RALYL: variants seen among roughly 807,000 people sequenced by gnomAD.
RALYL encodes the protein RALY RNA binding protein like.
In RALYL, 29 loss-of-function variants were observed where a neutral mutation model predicts 35.1. The ratio of observed to expected loss-of-function variants is 0.83; its 90% CI spans 0.61 to 1.13. The LOEUF (loss-of-function observed/expected upper bound fraction) is 1.13, where lower values mean the gene tolerates loss of function less well. RALYL is among the 50% of genes most tolerant of loss of function. The pLI is 0.00. For synonymous variants in RALYL, 120 were observed against 127.6 expected (o/e 0.94, Z 0.40); for missense variants, 359 against 360.4 (o/e 1.00, Z 0.03).
At chr8:84,585,356 A>G (rs1039900749) in intron 2 of RALYL, among the ~76,000 whole-genome samples, 8 of 152,170 alleles carry the variant, frequency 5.3e-5, no homozygotes, top group Non-Finnish European at 2.9e-5. Context: ...GTGTGAGCCC[A>G]TTAAATGTTT....
At chr8:84,636,368 G>T (rs2131310089) in intron 2 of RALYL, among the ~76,000 whole-genome samples, 1 of 151,916 alleles carries the variant, frequency 6.6e-6, no homozygotes, top group Admixed American at 6.6e-5. Flanking sequence ...CAAGCAAGTT[G>T]CTTTAGTATC....
chr8:84,437,586 T>A (rs939646619), intron 1 of RALYL, among the ~76,000 whole-genome samples: 10 of 152,114 alleles, frequency 6.6e-5, no homozygotes, highest in Non-Finnish European at 1.2e-4. Flanking sequence ...GTGGTTTTGA[T>A]GTGCATTTCT....
chr8:84,893,327 A>T (rs1844194803), intron 8 of RALYL, among the ~76,000 whole-genome samples: 1 of 152,206 alleles, frequency 6.6e-6, no homozygotes, highest in South Asian at 2.1e-4. Flanking sequence ...GGTGAATTTT[A>T]AAAAATAAAA....
chr8:84,413,422 A>G (rs1002718088), intron 1 of RALYL, among the ~76,000 whole-genome samples: 25 of 151,870 alleles, frequency 1.6e-4, no homozygotes, highest in African/African-American at 7.2e-5. Context: ...GAGAAAAAAA[A>G]AATCCCTCTT....
intron 1 of RALYL, among the ~76,000 whole-genome samples, chr8:84,272,372 G>A (rs2131961092): frequency 6.6e-6 from 1 of 152,242 alleles, no homozygotes; most frequent in African/African-American, 2.4e-5. Context: ...GGGATTACAG[G>A]CGTAAGCCAC....
chr8:84,274,305 T>C (rs935796221), intron 1 of RALYL, among the ~76,000 whole-genome samples: 2 of 152,182 alleles, frequency 1.3e-5, no homozygotes, highest in African/African-American at 4.8e-5. Context: ...TACTATTATC[T>C]TTGTTCTTCT....
chr8:84,921,686 T>C lies in RALYL; in HGVS notation c.*775T>C, dbSNP rs1849325758. On this transcript the variant is annotated 3_prime_UTR_variant, in exon 9 of 9. Coordinates refer to ENST00000521268, the MANE Select transcript of RALYL (RefSeq NM_173848.7). ...AGTGCATACATCATGTCATTTCACC[T>C]CCTGTTCCTAGGAACTCTCCATTCC... 1 of 152,188 alleles carries C rather than the reference T, an allele frequency of 6.6e-6. No individual in the cohort carries two copies. Among genetic ancestry groups the C allele is most frequent in the Non-Finnish European group, 1.5e-5 (1 of 68,010 alleles). 9.4% of individuals were successfully genotyped at this position (152,188 alleles called of 1,614,324 possible).
chr8:84,844,618 G>A lies in RALYL; in HGVS notation c.366-5362G>A, dbSNP rs533762327. Among the ~76,000 whole-genome samples, 3 of 152,130 alleles carry A rather than the reference G, an allele frequency of 2.0e-5. No individual in the cohort carries two copies. The South Asian group carries it at 6.2e-4, about 32-fold the overall frequency. ...ATTTGACCCAGCCATCCCATTACTG[G>A]GTATATACCCAAAGGACTATAAATC... is the stretch of plus-strand genomic sequence containing the variant. On this transcript the variant is annotated intron_variant, in intron 4 of 8. Transcript: ENST00000521268.
chr8:84,367,318 ATTTTTTTTTTTTTTTTTT>A (rs56387511), intron 1 of RALYL, among the ~76,000 whole-genome samples: 65 of 27,390 alleles, frequency 2.4e-3, no homozygotes, highest in African/African-American at 3.7e-3. Flanking sequence ...TAATTTTTGT[ATTTTTTTTTTTTTTTTTT>A]TTTTTTTTTT....
At chr8:84,226,141 G>C (rs1164436666) in intron 1 of RALYL, among the ~76,000 whole-genome samples, 3 of 152,156 alleles carry the variant, frequency 2.0e-5, no homozygotes, top group Middle Eastern at 3.2e-3. Flanking sequence ...AGTGGCATTA[G>C]ATTCTCATAG....
At chr8:84,318,612 T>C (rs1844217857) in intron 1 of RALYL, among the ~76,000 whole-genome samples, 1 of 152,208 alleles carries the variant, frequency 6.6e-6, no homozygotes, top group African/African-American at 2.4e-5. Context: ...CTTCTTGTTA[T>C]TGGCCATTTA....
At chr8:84,313,426 T>G (rs891077456) in intron 1 of RALYL, among the ~76,000 whole-genome samples, 1 of 152,224 alleles carries the variant, frequency 6.6e-6, no homozygotes, top group Non-Finnish European at 1.5e-5. Context: ...TCACGGTCAG[T>G]CTGCAAATCT....
chr8:84,374,741 A>G (rs1271569057), intron 1 of RALYL, among the ~76,000 whole-genome samples: 1 of 151,866 alleles, frequency 6.6e-6, no homozygotes, highest in Non-Finnish European at 1.5e-5. Flanking sequence ...TAGGATCGGA[A>G]AAAGTAACTG....
chr8:84,654,888 A>G (rs1829653052), intron 2 of RALYL, among the ~76,000 whole-genome samples: 1 of 152,108 alleles, frequency 6.6e-6, no homozygotes, highest in Non-Finnish European at 1.5e-5. Flanking sequence ...GCTGCAGTAA[A>G]CAAGAGAATA....
intron 2 of RALYL, among the ~76,000 whole-genome samples, chr8:84,599,216 C>T (rs1815318617): frequency 6.6e-6 from 1 of 151,814 alleles, no homozygotes; most frequent in African/African-American, 2.4e-5. Context: ...TATCACTGAC[C>T]ACTAAAAATT....
intron 1 of RALYL, among the ~76,000 whole-genome samples, chr8:84,481,329 GT>G (rs1402820497): frequency 1.3e-5 from 2 of 152,022 alleles, no homozygotes; most frequent in African/African-American, 4.8e-5. Context: ...TGAGTATTTT[GT>G]TGCTGTTGTT....
intron 2 of RALYL, among the ~76,000 whole-genome samples, chr8:84,544,615 C>A (rs1001800447): frequency 6.6e-6 from 1 of 151,974 alleles, no homozygotes; most frequent in Non-Finnish European, 1.5e-5. Flanking sequence ...CAGAAAATAA[C>A]CTGATGAGTA....
At chr8:84,491,632 G>A (rs1246678525) in intron 1 of RALYL, among the ~76,000 whole-genome samples, 13 of 151,738 alleles carry the variant, frequency 8.6e-5, no homozygotes, top group Admixed American at 6.6e-5. Flanking sequence ...TTGCTTTAAC[G>A]AAAACAAAAG....
At chr8:84,733,397 C>A (rs527987937) in intron 2 of RALYL, among the ~76,000 whole-genome samples, 4 of 152,292 alleles carry the variant, frequency 2.6e-5, no homozygotes, top group African/African-American at 9.6e-5. Context: ...AGGTTCCTTT[C>A]CATTCTGACA....
Sources: allele counts gnomAD v4.1 joint callset (sites outside exome capture counted in the v4.1 genomes callset), GRCh38; gene constraint gnomAD v4.1.1; transcripts MANE v1.5; gene names NCBI Gene and HGNC (gene_info 2026-07-23, HGNC 2026-07-21).